Variants in DNAH11 observed in about 807,000 individuals in gnomAD.
DNAH11 encodes axonemal beta dynein heavy chain 11.
A neutral mutation model predicts 526.0 loss-of-function variants in DNAH11; 442 were observed. The ratio of observed to expected loss-of-function variants is 0.84; its 90% CI spans 0.78 to 0.91. The LOEUF (loss-of-function observed/expected upper bound fraction) is 0.91, where lower values mean the gene tolerates loss of function less well. Among genes scored for constraint, DNAH11 ranks in the 40% least tolerant of loss-of-function variants. The probability of loss-of-function intolerance (pLI) is 0.00; values close to 1 mark genes in which losing one functional copy is unlikely to be tolerated. For synonymous variants in DNAH11, 2,461 were observed against 1,935.9 expected, an observed-to-expected ratio of 1.27 and a Z score of -7.12; for missense variants, 6,989 against 5,448.7, an observed-to-expected ratio of 1.28 and a Z score of -8.90.
chr7:21,854,434 C>A lies in DNAH11; in HGVS notation c.11181C>A (p.Pro3727=), dbSNP rs1307164299. Residue 3727 remains proline (P), a synonymous_variant, in exon 68 of 82, where the codon CCC becomes CCA. Coordinates refer to ENST00000409508, the MANE Select transcript of DNAH11 (RefSeq NM_001277115.2). ...FVINDLQKIN[P]LYQFSLKAFN... ...TTAATGACCTCCAAAAAATCAACCCCCTCTACCAATTCTCTTTGAAGGTAA... is the reference window on the plus strand; with the variant it reads ...TTAATGACCTCCAAAAAATCAACCCACTCTACCAATTCTCTTTGAAGGTAA... 1.2e-6 allele frequency: 2 copies of A among 1,613,732 alleles called. No homozygotes were observed. Among genetic ancestry groups the A allele is most frequent in the Admixed American group, 3.3e-5 (2 of 60,006 alleles).
intron 34 of DNAH11, among the ~76,000 whole-genome samples, chr7:21,689,081 G>C (rs983319703): frequency 6.6e-6 from 1 of 152,138 alleles, no homozygotes; most frequent in East Asian, 1.9e-4. Flanking sequence ...AAATCTCTCA[G>C]TCCTTCTGCC....
At chr7:21,696,556 G>C (rs901753205) in intron 35 of DNAH11, among the ~76,000 whole-genome samples, 1 of 152,152 alleles carries the variant, frequency 6.6e-6, no homozygotes, top group Admixed American at 6.6e-5. Flanking sequence ...TGCATTTCCA[G>C]TATCCTATTT....
chr7:21,768,324 A>G (rs954100147), intron 55 of DNAH11, among the ~76,000 whole-genome samples: 2 of 152,242 alleles, frequency 1.3e-5, no homozygotes, highest in African/African-American at 4.8e-5. Flanking sequence ...CACGGTTTCT[A>G]CAACGAAAAA....
At chr7:21,668,219 C>G (rs1782496960) in intron 30 of DNAH11, among the ~76,000 whole-genome samples, 1 of 152,086 alleles carries the variant, frequency 6.6e-6, no homozygotes, top group Non-Finnish European at 1.5e-5. Context: ...ATCTTATGAA[C>G]AGAGGTAATG....
At position 21,823,861 on chromosome 7, in the gene DNAH11, C is replaced by T. The variant is rs535614619; in HGVS notation, c.10691+5522C>T. Among the ~76,000 whole-genome samples, 15 of 152,180 alleles carry T rather than the reference C, an allele frequency of 9.9e-5. No individual in the cohort carries two copies. In the East Asian group the frequency reaches 1.9e-3, roughly 20 times the overall value. On this transcript the variant is annotated intron_variant, in intron 65 of 81. Transcript: ENST00000409508. ...AAGTGCAACTAAAAAGCAGGAACTC[C>T]GAGAGACAAGGAACACCAAAGATGG... is the stretch of plus-strand genomic sequence containing the variant.
At chr7:21,888,809 G>C (rs190402380) in intron 76 of DNAH11, among the ~76,000 whole-genome samples, 2 of 152,014 alleles carry the variant, frequency 1.3e-5, no homozygotes, top group Admixed American at 6.6e-5. Flanking sequence ...CCAAATTTTT[G>C]ATTATATTTT....
At chr7:21,851,677 G>T (rs77234136) in intron 66 of DNAH11, 277 of 470,990 alleles carry the variant, frequency 5.9e-4, no homozygotes, top group African/African-American at 4.9e-3. Context: ...TACGAAGACT[G>T]GGCCCCTCTG....
In DNAH11 at chr7:21,543,165, A is replaced by C. The variant is rs1782649537; in HGVS notation, c.-81A>C. The C allele has an allele frequency of 1.4e-6, 2 of 1,439,952 alleles. No homozygotes were observed. Among genetic ancestry groups the C allele is most frequent in the Non-Finnish European group, 1.8e-6 (2 of 1,103,834 alleles). The allele number at this position is 1,439,952 out of a possible 1,614,324, so 89.2% of individuals were successfully genotyped here. The stretch of plus-strand genomic sequence containing the variant: ...CGCGGAGGAGGGTGGGCGCCTGCGG[A>C]GGTGTCCTCGCTCACTTCGGGGGGC... On this transcript the variant is annotated 5_prime_UTR_variant, in exon 1 of 82. Transcript: ENST00000409508.
At position 21,707,772 on chromosome 7, in the gene DNAH11, C is replaced by G. The variant is rs758080566; in HGVS notation, c.6620C>G (p.Ala2207Gly). ...GTTTGGAATGACTTAAACCCTAAAG[C>G]TGTGACAACAGATGAACTCTTTGGT... Reference protein sequence around the residue: ...KPVWNDLNPKAVTTDELFGFI... With the variant: ...KPVWNDLNPKGVTTDELFGFI... The change falls in exon 40 of 82, where the codon GCT becomes GGT. Residue 2207 changes from alanine (A) to glycine (G), a missense_variant. Coordinates refer to ENST00000409508, the MANE Select transcript of DNAH11 (RefSeq NM_001277115.2). 4 of 1,612,916 alleles carry G rather than the reference C, an allele frequency of 2.5e-6. No homozygotes were observed. The highest frequency in any genetic ancestry group is 2.2e-5 in the South Asian group (2 of 90,904).
At chr7:21,664,388 C>T (rs1379360722) in intron 30 of DNAH11, among the ~76,000 whole-genome samples, 3 of 151,786 alleles carry the variant, frequency 2.0e-5, no homozygotes, top group African/African-American at 7.3e-5. Flanking sequence ...GCAAATGTCT[C>T]TACAGTGTAT....
chr7:21,898,590 G>C (rs902574237), intron 79 of DNAH11, among the ~76,000 whole-genome samples: 3 of 152,150 alleles, frequency 2.0e-5, no homozygotes, highest in Non-Finnish European at 4.4e-5. Context: ...CCTTTAAGCA[G>C]CCTCTGAAAC....
intron 5 of DNAH11, 59 bp downstream of exon 5, chr7:21,561,229 C>T: frequency 7.8e-7 from 1 of 1,287,136 alleles, no homozygotes; most frequent in Non-Finnish European, 1.1e-6. Context: ...GATCCAGCCC[C>T]TGCCTGCTCG....
At chr7:21,599,742 T>C in intron 14 of DNAH11, 45 bp from the exon 15 acceptor site, 1 of 1,354,668 alleles carries the variant, frequency 7.4e-7, no homozygotes, top group East Asian at 2.4e-5. Context: ...GTTTTTATGC[T>C]AATTATTTGT....
chr7:21,851,642 G>A, intron 66 of DNAH11: 1 of 471,282 alleles, frequency 2.1e-6, no homozygotes, highest in South Asian at 1.5e-5. Context: ...TTTCCTGGAG[G>A]TAAAACTCAA....
At chr7:21,892,276 A>ATTGT in intron 76 of DNAH11, 149 bp from the exon 77 acceptor site, 1 of 1,130,178 alleles carries the variant, frequency 8.8e-7, no homozygotes. Context: ...ATAGAGCAAA[A>ATTGT]TTGTTGATTA....
intron 61 of DNAH11, among the ~76,000 whole-genome samples, chr7:21,792,494 G>A (rs1031946927): frequency 6.6e-6 from 1 of 152,112 alleles, no homozygotes; most frequent in Non-Finnish European, 1.5e-5. Context: ...CAACTGTTTG[G>A]TAGATTTCAA....
intron 30 of DNAH11, among the ~76,000 whole-genome samples, chr7:21,676,929 A>G (rs2965386): frequency 0.043 from 6,502 of 152,274 alleles, 346 homozygotes; most frequent in African/African-American, 0.13. Context: ...GTTATTGTAC[A>G]TTAATTCATC....
chr7:21,869,986 T>C (rs1182665951), intron 73 of DNAH11, among the ~76,000 whole-genome samples: 1 of 152,212 alleles, frequency 6.6e-6, no homozygotes, highest in Non-Finnish European at 1.5e-5. Flanking sequence ...GGTCTAGGAA[T>C]GGCTATTTAG....
rs1332895816 is a variant in DNAH11, at chr7:21,588,195, G to T, written c.1842G>T (p.Met614Ile). Reference protein sequence around the residue: ...DVCKQLYNEHMKQIECGHVVL... With the variant: ...DVCKQLYNEHIKQIECGHVVL... ...GTAAGCAACTGTATAATGAACACAT[G>T]AAACAGGTAAGTGGTGGATAAGGTT... Residue 614 changes from methionine to isoleucine, a missense_variant, in exon 10 of 82, where the codon ATG (methionine) becomes ATT (isoleucine). Transcript: ENST00000409508. The T allele has an allele frequency of 1.2e-6, 2 of 1,611,282 alleles. No homozygotes were observed. Among genetic ancestry groups the T allele is most frequent in the South Asian group, 1.1e-5 (1 of 90,324 alleles).
Sources: gnomAD v4.1 joint callset for allele counts (sites outside exome capture counted in the v4.1 genomes callset) on GRCh38, gnomAD v4.1.1 for gene constraint, MANE v1.5 for transcripts, NCBI Gene and HGNC (gene_info 2026-07-23, HGNC 2026-07-21) for gene names.